Variants in ZFHX3 observed in about 807,000 individuals in gnomAD.
ZFHX3 encodes the protein zinc finger homeobox 3.
In ZFHX3, 42 loss-of-function variants were observed where a neutral mutation model predicts 279.1. That is an observed-to-expected ratio of 0.15 (90% confidence interval 0.12 to 0.19). ZFHX3 has a LOEUF of 0.19. ZFHX3 is among the 10% of genes least tolerant of loss of function. The pLI is 1.00. For missense variants in ZFHX3, 4,981 were observed against 4,754.0 expected (o/e 1.05, Z -1.40); for synonymous variants, 2,293 against 1,957.8 (o/e 1.17, Z -4.52).
chr16:73,244,546 T>G (rs985605514), intron 5 of ZFHX3, among the ~76,000 whole-genome samples: 23 of 152,296 alleles, frequency 1.5e-4, no homozygotes, highest in Non-Finnish European at 4.4e-5. Context: ...ATGGAGGAGT[T>G]TCCAGGCTGT....
chr16:72,831,598 TAAC>T lies in ZFHX3; in HGVS notation c.3449-1742_3449-1740del, dbSNP rs563274234. ...ACATGTATAGGTGTCAGTAGAGTAA[TAAC>T]AAATTACACAGCGTGACACAGGAAC... On this transcript the variant is annotated intron_variant, in intron 4 of 9. Coordinates refer to ENST00000268489, the MANE Select transcript of ZFHX3 (RefSeq NM_006885.4). Among the ~76,000 whole-genome samples, 314 of 152,280 alleles carry T rather than the reference TAAC, an allele frequency of 2.1e-3. 1 individual carries two copies. Among genetic ancestry groups the T allele is most frequent in the Non-Finnish European group, 3.3e-3 (225 of 68,020 alleles).
chr16:73,712,461 C>A (rs1250355659), intron 1 of ZFHX3, among the ~76,000 whole-genome samples: 1 of 152,198 alleles, frequency 6.6e-6, no homozygotes, highest in East Asian at 1.9e-4. Context: ...CTAAAGTTAT[C>A]CTTCTCGGGT....
intron 5 of ZFHX3, among the ~76,000 whole-genome samples, chr16:73,253,622 T>G (rs2013577275): frequency 6.6e-6 from 1 of 151,718 alleles, no homozygotes; most frequent in Non-Finnish European, 1.5e-5. Flanking sequence ...CGGCTAATTT[T>G]TTTTTTGTAT....
At chr16:73,387,509 G>GT (rs1293187770) in intron 3 of ZFHX3, among the ~76,000 whole-genome samples, 10 of 151,802 alleles carry the variant, frequency 6.6e-5, no homozygotes, top group South Asian at 4.2e-4. Context: ...GGGTTTTTTT[G>GT]TTTTTTTGTT....
chr16:73,140,541 T>A (rs572428704), intron 6 of ZFHX3, among the ~76,000 whole-genome samples: 180 of 152,186 alleles, frequency 1.2e-3, no homozygotes, highest in Non-Finnish European at 1.9e-3. Flanking sequence ...CCTGACTAGG[T>A]CTCAACCTTT....
chr16:72,996,916 T>G (rs531332334), intron 1 of ZFHX3, among the ~76,000 whole-genome samples: 1 of 152,318 alleles, frequency 6.6e-6, no homozygotes, highest in South Asian at 2.1e-4. Context: ...TACTGACAAC[T>G]GGTATGGTCA....
upstream of ZFHX3, among the ~76,000 whole-genome samples, chr16:73,051,889 A>T (rs908866279): frequency 2.6e-5 from 4 of 152,202 alleles, no homozygotes; most frequent in African/African-American, 9.7e-5. Flanking sequence ...TTTTAAACAC[A>T]GGGGGATTCT....
In ZFHX3 at chr16:72,787,037, T is replaced by G; in HGVS notation, c.*127A>C. The G allele has an allele frequency of 3.7e-6, 4 of 1,093,388 alleles. No individual in the cohort carries two copies. The highest frequency in any genetic ancestry group is 3.5e-6 in the Non-Finnish European group (3 of 846,362). 67.7% of individuals were successfully genotyped at this position (1,093,388 alleles called of 1,614,324 possible). ...AAACAACCCACGCTTTTTCTTTTTT[T>G]TCTTTTTTTTTTTTTTTTTGTTTTT... On this transcript the variant is annotated 3_prime_UTR_variant, in exon 10 of 10. Transcript: ENST00000268489.
intron 1 of ZFHX3, among the ~76,000 whole-genome samples, chr16:73,716,577 G>C (rs1021977576): frequency 5.5e-4 from 83 of 151,546 alleles, no homozygotes; most frequent in African/African-American, 1.8e-3. Context: ...ATTTTATGAT[G>C]AGTAAGTTCC....
intron 1 of ZFHX3, among the ~76,000 whole-genome samples, chr16:73,886,401 G>A (rs986344127): frequency 6.6e-6 from 1 of 152,230 alleles, no homozygotes; most frequent in African/African-American, 2.4e-5. Flanking sequence ...TGCAGTTACC[G>A]TTTTTAAACA....
At chr16:73,655,212 T>C (rs1597049900) in intron 2 of ZFHX3, among the ~76,000 whole-genome samples, 1 of 152,194 alleles carries the variant, frequency 6.6e-6, no homozygotes, top group African/African-American at 2.4e-5. Flanking sequence ...TTTCGCATCT[T>C]TGAGATTTCC....
intron 2 of ZFHX3, among the ~76,000 whole-genome samples, chr16:73,618,837 G>A (rs2052330102): frequency 6.6e-6 from 1 of 152,132 alleles, no homozygotes; most frequent in Non-Finnish European, 1.5e-5. Context: ...TTCATGTTTT[G>A]TTGCTCTCCC....
At chr16:73,511,127 A>C (rs1045479717) in intron 2 of ZFHX3, among the ~76,000 whole-genome samples, 4 of 152,206 alleles carry the variant, frequency 2.6e-5, no homozygotes, top group Non-Finnish European at 5.9e-5. Flanking sequence ...CTGAGAACGG[A>C]AGTTAATGAA....
In ZFHX3 at chr16:72,794,019, T is replaced by C; in HGVS notation, c.8663A>G (p.Asp2888Gly). Residue 2888 changes from aspartate (D) to glycine (G), a missense_variant, in exon 9 of 10, where the codon GAT (aspartate) becomes GGT (glycine). By Grantham distance (94) the Asp-to-Gly change is moderately conservative (BLOSUM62 -1). Transcript: ENST00000268489. The surrounding 1 kb of genome is among the most constrained non-coding windows in gnomAD (Gnocchi z 4.2). ...GCTGACCAGACCAGATGACAACCGA[T>C]CTTCATACTCAGACATTGCCATCAT... The part of the protein sequence containing the change: ...AAMMAMSEYE[D>G]RLSSGLVSPA... 1 of 1,614,210 alleles carries C rather than the reference T, an allele frequency of 6.2e-7. No homozygotes were observed. The highest frequency in any genetic ancestry group is 8.5e-7 in the Non-Finnish European group (1 of 1,180,036).
At chr16:73,095,856 G>A (rs1966155673) in intron 7 of ZFHX3, among the ~76,000 whole-genome samples, 1 of 152,140 alleles carries the variant, frequency 6.6e-6, no homozygotes, top group South Asian at 2.1e-4. Flanking sequence ...AAGAATCCCG[G>A]CCCCTTCTTT....
intron 1 of ZFHX3, among the ~76,000 whole-genome samples, chr16:73,755,029 G>T (rs1327918653): frequency 6.6e-6 from 1 of 152,184 alleles, no homozygotes; most frequent in African/African-American, 2.4e-5. Flanking sequence ...GGAGATGCTT[G>T]TGTCATTTCT....
chr16:73,651,359 A>G (rs1047416660), intron 2 of ZFHX3, among the ~76,000 whole-genome samples: 2 of 152,060 alleles, frequency 1.3e-5, no homozygotes, highest in Admixed American at 6.5e-5. Context: ...TTATTTAAAG[A>G]GAAAATGAGT....
At chr16:73,651,082 T>G (rs1052000434) in intron 2 of ZFHX3, among the ~76,000 whole-genome samples, 5 of 152,028 alleles carry the variant, frequency 3.3e-5, no homozygotes, top group Admixed American at 1.3e-4. Flanking sequence ...TCTAACAGAT[T>G]TGATAAAGTA....
At chr16:73,560,085 G>C (rs114894854) in intron 2 of ZFHX3, among the ~76,000 whole-genome samples, 1 of 152,116 alleles carries the variant, frequency 6.6e-6, no homozygotes, top group African/African-American at 2.4e-5. Flanking sequence ...CCTGATGATC[G>C]GGAGCTTGTC....
Sources: gnomAD v4.1 joint callset for allele counts (sites outside exome capture counted in the v4.1 genomes callset) on GRCh38, gnomAD v4.1.1 for gene constraint, Gnocchi (gnomAD v3.1) non-coding constraint, MANE v1.5 for transcripts, NCBI Gene and HGNC (gene_info 2026-07-23, HGNC 2026-07-21) for gene names.